INPP5A: variants seen among roughly 807,000 people sequenced by gnomAD.
INPP5A encodes the protein inositol polyphosphate-5-phosphatase A.
A neutral mutation model predicts 65.2 loss-of-function variants in INPP5A; 14 were observed. That is an observed-to-expected ratio of 0.21 (90% CI 0.14 to 0.34). INPP5A has a LOEUF of 0.34. Ranked by LOEUF, INPP5A falls within the 10% of genes least tolerant of loss-of-function variation. The pLI is 1.00. For missense variants in INPP5A, 431 were observed against 545.6 expected (o/e 0.79, Z 2.09); for synonymous variants, 207 against 208.3 (o/e 0.99, Z 0.05).
Position 132,782,921 on chromosome 10 carries a change from G to A in INPP5A, c.*892G>A, listed in dbSNP as rs1213213425. The A allele has an allele frequency of 6.6e-6, 1 of 152,322 alleles. No homozygotes were observed. Among genetic ancestry groups the A allele is most frequent in the Non-Finnish European group, 1.5e-5 (1 of 68,034 alleles). 9.4% of individuals were successfully genotyped at this position (152,322 alleles called of 1,614,324 possible). On this transcript the variant is annotated 3_prime_UTR_variant, in exon 16 of 16. Coordinates refer to ENST00000368594, the MANE Select transcript of INPP5A (RefSeq NM_005539.5). This position sits in a 1 kb window ranked among gnomAD's most constrained non-coding sequence, Gnocchi z 4.4. ...GTACCTTTTAAGAATTTTGTAAACC[G>A]TTTGTCTGTCTTTTGTTACTGTTTT...
chr10:132,717,135 C>T (rs1479087883), intron 8 of INPP5A, among the ~76,000 whole-genome samples: 1 of 151,962 alleles, frequency 6.6e-6, no homozygotes, highest in African/African-American at 2.4e-5. Context: ...TGCAGACGGC[C>T]GCCTTCTCAC....
intron 8 of INPP5A, among the ~76,000 whole-genome samples, chr10:132,724,113 CAAG>C (rs892206553): frequency 2.0e-5 from 3 of 151,476 alleles, no homozygotes; most frequent in South Asian, 2.1e-4. Context: ...GAACTGTCAA[CAAG>C]AAGGACTTCC....
intron 2 of INPP5A, among the ~76,000 whole-genome samples, chr10:132,625,207 C>T (rs532830336): frequency 1.3e-5 from 2 of 150,340 alleles, no homozygotes; most frequent in Non-Finnish European, 3.0e-5. Flanking sequence ...CCTCTGACGG[C>T]ACCTCTGCTC....
chr10:132,576,146 G>A (rs1442475952), intron 1 of INPP5A, among the ~76,000 whole-genome samples: 1 of 152,194 alleles, frequency 6.6e-6, no homozygotes, highest in Non-Finnish European at 1.5e-5. Context: ...TCCCTGTGCA[G>A]GTCAGGCTCC....
intron 2 of INPP5A, among the ~76,000 whole-genome samples, chr10:132,624,510 GCACTTCCACCGGCGTGTC>G (rs1414690001): frequency 4.9e-5 from 7 of 142,050 alleles, no homozygotes; most frequent in African/African-American, 1.9e-4. Context: ...CGGCGTGTCT[GCACTTCCACCGGCGTGTC>G]TGCACTTCCC....
intron 8 of INPP5A, among the ~76,000 whole-genome samples, chr10:132,713,438 C>T (rs1429374578): frequency 2.6e-5 from 4 of 152,076 alleles, no homozygotes; most frequent in Admixed American, 6.5e-5. Context: ...GCCGCCTTCA[C>T]GATCCTCCCG....
At chr10:132,600,520 C>T (rs2071761885) in intron 1 of INPP5A, among the ~76,000 whole-genome samples, 1 of 152,214 alleles carries the variant, frequency 6.6e-6, no homozygotes, top group Non-Finnish European at 1.5e-5. Flanking sequence ...CCACATTTTC[C>T]TGTCGTCTTC....
intron 1 of INPP5A, among the ~76,000 whole-genome samples, chr10:132,562,978 A>T (rs1467326029): frequency 6.6e-6 from 1 of 152,062 alleles, no homozygotes; most frequent in Non-Finnish European, 1.5e-5. Flanking sequence ...TGCTCTGCAG[A>T]GGGCTTCAGG....
intron 1 of INPP5A, among the ~76,000 whole-genome samples, chr10:132,558,583 G>T (rs966631117): frequency 3.9e-5 from 6 of 152,220 alleles, no homozygotes; most frequent in Non-Finnish European, 7.4e-5. Context: ...TCCAGGTGTG[G>T]AGAGAGGCCA....
intron 3 of INPP5A, among the ~76,000 whole-genome samples, chr10:132,647,817 A>G (rs987399695): frequency 6.6e-6 from 1 of 152,234 alleles, no homozygotes; most frequent in Non-Finnish European, 1.5e-5. Context: ...CTCACCCTAC[A>G]TAAGATGAAT....
chr10:132,756,417 CGT>C (rs1190629728), intron 11 of INPP5A, among the ~76,000 whole-genome samples: 8 of 152,038 alleles, frequency 5.3e-5, no homozygotes, highest in Non-Finnish European at 1.2e-4. Context: ...TGTGTGTGTG[CGT>C]GTGTGTATAC....
intron 8 of INPP5A, among the ~76,000 whole-genome samples, chr10:132,726,288 G>A (rs1485366514): frequency 2.0e-5 from 3 of 152,198 alleles, no homozygotes; most frequent in Non-Finnish European, 4.4e-5. Context: ...AGGTCTGAGG[G>A]GACATCCCTG....
chr10:132,661,174 A>G (rs1193141533), intron 4 of INPP5A, among the ~76,000 whole-genome samples: 2 of 152,212 alleles, frequency 1.3e-5, no homozygotes, highest in African/African-American at 2.4e-5. Context: ...CAAAAACACA[A>G]TCCAGCACCA....
intron 8 of INPP5A, among the ~76,000 whole-genome samples, chr10:132,718,023 C>A (rs1189405814): frequency 6.9e-6 from 1 of 144,994 alleles, no homozygotes; most frequent in Non-Finnish European, 1.5e-5. Context: ...TACCTGAGTT[C>A]TGTCTGGGCG....
chr10:132,778,040 CAT>C (rs912816474), intron 13 of INPP5A, among the ~76,000 whole-genome samples: 1 of 152,240 alleles, frequency 6.6e-6, no homozygotes, highest in Non-Finnish European at 1.5e-5. Flanking sequence ...GAGTTTGAAA[CAT>C]AACACAGGCG....
Position 132,722,003 on chromosome 10 carries a change from G to C in INPP5A, c.648-4818G>C, listed in dbSNP as rs1015782131. 7.9e-5 allele frequency among the ~76,000 whole-genome samples: 12 copies of C among 152,286 alleles called. No homozygotes were observed. The South Asian group carries it at 2.3e-3, about 29-fold the overall frequency. On this transcript the variant is annotated intron_variant, in intron 8 of 15. Coordinates refer to ENST00000368594, the MANE Select transcript of INPP5A (RefSeq NM_005539.5). ...TGGTATGTTTATTTTGGGGGGATGAGTTTATTTAAAGTGGCTTAAACACAT... is the reference window on the plus strand; with the variant it reads ...TGGTATGTTTATTTTGGGGGGATGACTTTATTTAAAGTGGCTTAAACACAT...
intron 9 of INPP5A, among the ~76,000 whole-genome samples, chr10:132,728,459 G>T (rs1234539804): frequency 1.3e-5 from 2 of 152,234 alleles, no homozygotes; most frequent in Admixed American, 1.3e-4. Context: ...CAAGGCCTGG[G>T]GGCCACAGAG....
chr10:132,738,879 G>A lies in INPP5A; in HGVS notation c.733-10638G>A, dbSNP rs574529015. Among the ~76,000 whole-genome samples, 4 of 152,340 alleles carry A rather than the reference G, an allele frequency of 2.6e-5. No individual in the cohort carries two copies. The South Asian group carries it at 8.3e-4, about 32-fold the overall frequency. On this transcript the variant is annotated intron_variant, in intron 9 of 15. Coordinates refer to ENST00000368594, the MANE Select transcript of INPP5A (RefSeq NM_005539.5). ...CCATAAGCTTGGGATGCAGGGCCTT[G>A]TGCCTGGCCCTGGGGCTCGCGGTGA...
At chr10:132,570,413 G>A (rs1273813934) in intron 1 of INPP5A, among the ~76,000 whole-genome samples, 6 of 152,180 alleles carry the variant, frequency 3.9e-5, no homozygotes, top group Non-Finnish European at 8.8e-5. Flanking sequence ...GAGTTCGGGT[G>A]GAGCTGGAGG....
Sources: allele counts gnomAD v4.1 joint callset (sites outside exome capture counted in the v4.1 genomes callset), GRCh38; gene constraint gnomAD v4.1.1; non-coding constraint Gnocchi (gnomAD v3.1); transcripts MANE v1.5; gene names NCBI Gene and HGNC (gene_info 2026-07-23, HGNC 2026-07-21).